SMG1: variants seen among roughly 807,000 people sequenced by gnomAD.
The protein encoded by SMG1 is serine/threonine-protein kinase SMG1.
In SMG1, 22 loss-of-function variants were observed where a neutral mutation model predicts 419.9. That is an observed-to-expected ratio of 0.05 (90% CI 0.04 to 0.07). The LOEUF (loss-of-function observed/expected upper bound fraction) is 0.07. SMG1 is among the 10% of genes least tolerant of loss of function. SMG1 has a pLI of 1.00. For missense variants in SMG1, 3,185 were observed against 4,342.0 expected (o/e 0.73, Z 7.49); for synonymous variants, 1,538 against 1,553.5 (o/e 0.99, Z 0.23).
chr16:18,837,485 A>G, intron 45 of SMG1, 42 bp from the exon 46 acceptor site: 1 of 1,524,388 alleles, frequency 6.6e-7, no homozygotes, highest in Non-Finnish European at 9.0e-7. Context: ...TTACAGGGCC[A>G]ATTTTGAGAC....
chr16:18,830,962 T>C (rs2033133559), intron 51 of SMG1, among the ~76,000 whole-genome samples: 1 of 152,212 alleles, frequency 6.6e-6, no homozygotes, highest in Admixed American at 6.5e-5. Context: ...TTTAAAATCC[T>C]GTATTGAAAA....
chr16:18,832,803 A>G (rs2033291381), intron 51 of SMG1, 137 bp downstream of exon 51: 1 of 741,398 alleles, frequency 1.3e-6, no homozygotes, highest in South Asian at 1.8e-5. Context: ...TTTTAAAAAG[A>G]TACGTGTATG....
At chr16:18,850,511 GA>G (rs780454924) in intron 33 of SMG1, 44 bp from the exon 34 acceptor site, 1 of 1,350,360 alleles carries the variant, frequency 7.4e-7, no homozygotes, top group East Asian at 2.3e-5. Context: ...AATACAAACT[GA>G]AAAGGGAAAA....
chr16:18,839,765 G>C lies in SMG1; in HGVS notation c.6878C>G (p.Pro2293Arg), dbSNP rs566442227. Residue 2293 changes from proline (P) to arginine (R), a missense_variant, in exon 42 of 63, where the codon CCG becomes CGG. Physicochemically the swap from Pro to Arg is moderately radical, Grantham distance 103 (BLOSUM62 -2). Around this residue, in one of 27 missense-constraint regions of SMG1, gnomAD observed 132 missense variants for 151.0 expected, o/e 0.87. Coordinates refer to ENST00000446231, the MANE Select transcript of SMG1 (RefSeq NM_015092.5). Reference protein sequence around the residue: ...VLEELMEATPPNLLAKELWSS... With the variant: ...VLEELMEATPRNLLAKELWSS... ...CCAGAGCTCTTTGGCAAGGAGATTC[G>C]GGGGTGTGGCCTCCATTAACTCTTC... 6 of 1,613,906 alleles carry C rather than the reference G, an allele frequency of 3.7e-6. No homozygotes were observed. The highest frequency in any genetic ancestry group is 5.1e-6 in the Non-Finnish European group (6 of 1,179,866).
chr16:18,902,622 C>T (rs2037391688), intron 1 of SMG1, among the ~76,000 whole-genome samples: 1 of 151,880 alleles, frequency 6.6e-6, no homozygotes, highest in Non-Finnish European at 1.5e-5. Flanking sequence ...ACTGCCTGAA[C>T]CTGGGAGGGA....
chr16:18,849,302 G>A lies in SMG1; in HGVS notation c.5538C>T (p.Cys1846=). The A allele has an allele frequency of 1.2e-6, 2 of 1,613,634 alleles. No individual in the cohort carries two copies. Among genetic ancestry groups the A allele is most frequent in the Non-Finnish European group, 1.7e-6 (2 of 1,179,670 alleles). The part of the protein sequence containing the change: ...YVRQSICNLL[C]RVAQDSPHLI... ...GATGTGGGGAATCTTGAGCCACACG[G>A]CAGAGAAGGTTACAAATACTTTGGC... The change falls in exon 36 of 63, where the codon TGC becomes TGT. Residue 1846 remains cysteine (C), a synonymous_variant. Transcript: ENST00000446231.
intron 1 of SMG1, chr16:18,925,142 T>TCCC (rs2038342069): frequency 6.6e-6 from 1 of 152,178 alleles, no homozygotes; most frequent in Admixed American, 6.6e-5. Context: ...ACAGCTGCCC[T>TCCC]CCCATTGATC....
chr16:18,865,825 G>A (rs2967201), intron 23 of SMG1, among the ~76,000 whole-genome samples: 13,461 of 151,812 alleles, frequency 0.089, 739 homozygotes, highest in African/African-American at 0.16. Context: ...ACCACACCTC[G>A]CTAATATTTT....
Position 18,854,808 on chromosome 16 carries a change from A to G in SMG1, c.4331T>C (p.Leu1444Pro). Reference sequence around the variant, plus strand: ...CTGAACTTCACTGCACTGTGCCAGCAGTCTTGTTGCAAGGGACACATTCCC... The same window carrying G: ...CTGAACTTCACTGCACTGTGCCAGCGGTCTTGTTGCAAGGGACACATTCCC... ...KRGNVSLATRLLAQCSEVQLG... is the reference protein window; with the variant it reads ...KRGNVSLATRPLAQCSEVQLG... The change falls in exon 30 of 63, where the codon CTG becomes CCG. Residue 1444 changes from leucine (L) to proline (P), a missense_variant. By Grantham distance (98) the Leu-to-Pro change is moderately conservative (BLOSUM62 -3). This residue lies in a region of SMG1 where 493 missense variants were observed against 552.9 expected (regional missense o/e 0.89). Coordinates refer to ENST00000446231, the MANE Select transcript of SMG1 (RefSeq NM_015092.5). The G allele has an allele frequency of 6.2e-7, 1 of 1,614,034 alleles. No individual in the cohort carries two copies. Among genetic ancestry groups the G allele is most frequent in the Non-Finnish European group, 8.5e-7 (1 of 1,179,896 alleles).
chr16:18,900,824 C>G (rs1349599336), intron 1 of SMG1, among the ~76,000 whole-genome samples: 5 of 152,160 alleles, frequency 3.3e-5, no homozygotes, highest in African/African-American at 1.2e-4. Flanking sequence ...ATGGTTAATA[C>G]CACTTGAAAA....
chr16:18,839,667 T>G lies in SMG1; in HGVS notation c.6945+31A>C, dbSNP rs1208226898. 3.1e-6 allele frequency: 5 copies of G among 1,611,476 alleles called. No individual in the cohort carries two copies. The Admixed American group carries it at 6.7e-5, about 22-fold the overall frequency. The stretch of plus-strand genomic sequence containing the variant: ...AGGTAGCAGGCAAAAGAAATACTAC[T>G]ACTGAGTATAGTCTAAAACAAAGCA... On this transcript the variant is annotated intron_variant, in intron 42 of 62. Coordinates refer to ENST00000446231, the MANE Select transcript of SMG1 (RefSeq NM_015092.5).
intron 26 of SMG1, 47 bp from the exon 27 acceptor site, chr16:18,859,750 TA>T: frequency 6.7e-7 from 1 of 1,486,128 alleles, no homozygotes; most frequent in South Asian, 1.3e-5. Context: ...GCTTTTATTA[TA>T]AATTTTGATT....
chr16:18,884,240 T>A (rs1184243527), intron 8 of SMG1, 73 bp from the exon 9 acceptor site: 6 of 697,930 alleles, frequency 8.6e-6, no homozygotes, highest in Non-Finnish European at 1.2e-5. Context: ...TAAAAAAAAA[T>A]AAGAGGCTTG....
intron 13 of SMG1, among the ~76,000 whole-genome samples, chr16:18,873,935 C>T (rs561500099): frequency 5.3e-5 from 8 of 152,176 alleles, no homozygotes; most frequent in African/African-American, 9.7e-5. Context: ...AATGTGAATT[C>T]CTCAAAAATC....
chr16:18,895,928 T>C, intron 3 of SMG1, 124 bp downstream of exon 3: 2 of 1,013,706 alleles, frequency 2.0e-6, no homozygotes, highest in Non-Finnish European at 3.0e-6. Context: ...TAAACAATTT[T>C]TACCTGCACA....
intron 27 of SMG1, 107 bp from the exon 28 acceptor site, chr16:18,859,288 G>A: frequency 2.6e-6 from 2 of 770,488 alleles, no homozygotes; most frequent in Admixed American, 2.5e-5. Context: ...AAGTTAGGGG[G>A]CAGTAAGAGG....
At chr16:18,831,946 A>G (rs1024910133) in intron 51 of SMG1, among the ~76,000 whole-genome samples, 7 of 151,974 alleles carry the variant, frequency 4.6e-5, no homozygotes, top group African/African-American at 1.7e-4. Flanking sequence ...TAATGGCACC[A>G]CAGTCAAGAA....
Position 18,829,460 on chromosome 16 carries a change from T to A in SMG1, c.9429A>T (p.Glu3143Asp). The stretch of plus-strand genomic sequence containing the variant: ...AGAACTTCCCTATCTGGATGTTATG[T>A]TCCACCGCTTTCTTACAGAGATCAT... Reference protein sequence around the residue: ...SVDDLCKKAVEHNIQIGKFSQ... With the variant: ...SVDDLCKKAVDHNIQIGKFSQ... The change falls in exon 54 of 63, where the codon GAA becomes GAT. Residue 3143 changes from glutamate (E) to aspartate (D), a missense_variant. Physicochemically the swap from Glu to Asp is conservative, Grantham distance 45. Transcript: ENST00000446231. The A allele has an allele frequency of 6.2e-7, 1 of 1,614,056 alleles. No individual in the cohort carries two copies. Among genetic ancestry groups the A allele is most frequent in the African/African-American group, 1.3e-5 (1 of 75,066 alleles).
chr16:18,828,254 G>C, intron 54 of SMG1, 86 bp from the exon 55 acceptor site: 4 of 1,357,382 alleles, frequency 2.9e-6, no homozygotes, highest in Non-Finnish European at 4.0e-6. Context: ...CCTAGGACTG[G>C]CGGAAGAGAA....
Sources: allele counts gnomAD v4.1 joint callset (sites outside exome capture counted in the v4.1 genomes callset), GRCh38; gene constraint gnomAD v4.1.1; regional missense constraint gnomAD v4.1.1; transcripts MANE v1.5; gene names NCBI Gene and HGNC (gene_info 2026-07-23, HGNC 2026-07-21).